PRKD2: variants seen among roughly 807,000 people sequenced by gnomAD.
PRKD2 encodes protein kinase D2, also known as serine/threonine-protein kinase D2.
PRKD2 carries 22 observed loss-of-function variants against 86.0 expected under a neutral mutation model. The ratio of observed to expected loss-of-function variants is 0.26; its 90% CI spans 0.18 to 0.37. The LOEUF (loss-of-function observed/expected upper bound fraction) is 0.37, where lower values mean the gene tolerates loss of function less well. Ranked by LOEUF, PRKD2 falls within the 10% of genes least tolerant of loss-of-function variation. PRKD2 has a pLI of 1.00. For missense variants in PRKD2, 818 were observed against 1,199.2 expected (o/e 0.68, Z 4.70); for synonymous variants, 509 against 510.9 (o/e 1.00, Z 0.05).
rs1441369710 is a variant in PRKD2, at chr19:46,690,642, G to A, written c.1767C>T (p.Thr589=). Reference sequence around the variant, plus strand: ...CATTCCGGAGCTGGCTCTCCTGCTTGGTAGGGAAGCGCAGTTTGTCAATGA... The same window carrying A: ...CATTCCGGAGCTGGCTCTCCTGCTTAGTAGGGAAGCGCAGTTTGTCAATGA... The part of the protein sequence containing the change: ...VKVIDKLRFP[T]KQESQLRNEV... The change falls in exon 13 of 18, where the codon ACC becomes ACT. Residue 589 remains threonine, a synonymous_variant. Transcript: ENST00000291281. The A allele has an allele frequency of 3.1e-6, 5 of 1,614,062 alleles. No homozygotes were observed. The African/African-American group carries it at 6.7e-5, about 22-fold the overall frequency.
chr19:46,713,761 A>C, intron 2 of PRKD2, 102 bp downstream of exon 2: 1 of 1,134,756 alleles, frequency 8.8e-7, no homozygotes, highest in Non-Finnish European at 1.2e-6. Flanking sequence ...GTGAGCCACT[A>C]CACCCGGCCT....
chr19:46,678,583 G>A lies in PRKD2; in HGVS notation c.2151C>T (p.Tyr717=). The change falls in exon 16 of 18, where the codon TAC becomes TAT. Residue 717 remains tyrosine (Y), a synonymous_variant. Coordinates refer to ENST00000291281, the MANE Select transcript of PRKD2 (RefSeq NM_016457.5). The surrounding 1 kb of genome is among the most constrained non-coding windows in gnomAD (Gnocchi z 5.7). ...FRRSVVGTPA[Y]LAPEVLLNQG... is the part of the protein sequence containing the mutation. ...GGTTGAGCAGCACCTCGGGTGCCAG[G>A]TAGGCCGGCGTGCCCACCACTGAGC... 1 of 1,613,846 alleles carries A rather than the reference G, an allele frequency of 6.2e-7. No individual in the cohort carries two copies. The highest frequency in any genetic ancestry group is 1.1e-5 in the South Asian group (1 of 91,084).
intron 14 of PRKD2, among the ~76,000 whole-genome samples, chr19:46,688,479 C>T (rs2053434100): frequency 6.6e-6 from 1 of 150,610 alleles, no homozygotes; most frequent in Non-Finnish European, 1.5e-5. Context: ...TCTTGTCCCC[C>T]AGGCTGGAGT....
At chr19:46,710,679 C>T (rs1002662495) in intron 3 of PRKD2, 4 of 535,966 alleles carry the variant, frequency 7.5e-6, no homozygotes, top group East Asian at 2.9e-5. Flanking sequence ...CTCCCAGCTC[C>T]ACCTCCTAGG....
intron 3 of PRKD2, among the ~76,000 whole-genome samples, chr19:46,708,618 TA>T (rs974464409): frequency 9.2e-5 from 14 of 152,046 alleles, no homozygotes; most frequent in African/African-American, 3.1e-4. Context: ...GCCTTCCTTA[TA>T]AAGGGAAGAG....
chr19:46,710,277 C>T lies in PRKD2; in HGVS notation c.511+630G>A, dbSNP rs553398015. The T allele has an allele frequency of 2.2e-4, 33 of 152,754 alleles. 1 individual carries two copies. The South Asian group carries it at 5.1e-3, about 24-fold the overall frequency. 9.5% of individuals were successfully genotyped at this position (152,754 alleles called of 1,614,324 possible). A position where few individuals can be genotyped will look rare whatever the true frequency, so the allele number is the denominator to read the frequency against. ...GTGCAATCAGGGCTCACTACAGTGT[C>T]GAGCTCCCAGGCTCAAGTGATCCTC... On this transcript the variant is annotated intron_variant, in intron 3 of 17. Coordinates refer to ENST00000291281, the MANE Select transcript of PRKD2 (RefSeq NM_016457.5).
rs1452817692 is a variant in PRKD2 at position 46,674,578 on chromosome 19, C to A, written c.2582G>T (p.Cys861Phe). 1.9e-6 allele frequency: 3 copies of A among 1,611,660 alleles called. No homozygotes were observed. Among genetic ancestry groups the A allele is most frequent in the African/African-American group, 1.3e-5 (1 of 74,890 alleles). Residue 861 changes from cysteine to phenylalanine, a missense_variant, in exon 18 of 18, where the codon TGT (cysteine) becomes TTT (phenylalanine). Cys to Phe is a radical substitution (Grantham distance 205). This residue lies in a region of PRKD2 where 132 missense variants were observed against 146.2 expected (regional missense o/e 0.90). Coordinates refer to ENST00000291281, the MANE Select transcript of PRKD2 (RefSeq NM_016457.5). ...LPTDRDLGGACPPQDHDMQGL... is the reference protein window; with the variant it reads ...LPTDRDLGGAFPPQDHDMQGL... Reference sequence around the variant, plus strand: ...CTGCATGTCGTGGTCCTGTGGTGGACAGGCCCCACCGAGATCCCTGTCCGT... The same window carrying A: ...CTGCATGTCGTGGTCCTGTGGTGGAAAGGCCCCACCGAGATCCCTGTCCGT...
At chr19:46,701,336 G>A (rs1421898676) in intron 5 of PRKD2, among the ~76,000 whole-genome samples, 1 of 151,702 alleles carries the variant, frequency 6.6e-6, no homozygotes, top group East Asian at 2.0e-4. Flanking sequence ...AAATCCCGAC[G>A]ACTGCTGGGT....
chr19:46,675,763 A>C (rs1204407333), intron 16 of PRKD2, among the ~76,000 whole-genome samples: 1 of 148,934 alleles, frequency 6.7e-6, no homozygotes, highest in Non-Finnish European at 1.5e-5. Context: ...TTTTCAACCT[A>C]CAATACTTCC....
In PRKD2 at chr19:46,684,793, T is replaced by A. The variant is rs1275346972; in HGVS notation, c.1972-3045A>T. Among the ~76,000 whole-genome samples, 5 of 151,062 alleles carry A rather than the reference T, an allele frequency of 3.3e-5. No homozygotes were observed. The East Asian group carries it at 5.9e-4, about 18-fold the overall frequency. On this transcript the variant is annotated intron_variant, in intron 14 of 17. Coordinates refer to ENST00000291281, the MANE Select transcript of PRKD2 (RefSeq NM_016457.5). ...GCCTGATCGACATGGTGAAACCCCA[T>A]CTCTACTAAAAATACAAAAATCAGC...
At position 46,716,385 on chromosome 19, in the gene PRKD2, GA is replaced by G; in HGVS notation, c.-16del. On this transcript the variant is annotated 5_prime_UTR_variant, in exon 1 of 18. Coordinates refer to ENST00000291281, the MANE Select transcript of PRKD2 (RefSeq NM_016457.5). This position sits in a 1 kb window ranked among gnomAD's most constrained non-coding sequence, Gnocchi z 7.9. ...GCGGTGGCCATGGGGGGAGGCCGGG[GA>G]CCGGCCGCCTGGAGCCCACCCGGGA... 9 of 1,354,086 alleles carry G rather than the reference GA, an allele frequency of 6.6e-6. No individual in the cohort carries two copies. Among genetic ancestry groups the G allele is most frequent in the Non-Finnish European group, 8.6e-6 (9 of 1,049,534 alleles). 83.9% of individuals were successfully genotyped at this position (1,354,086 alleles called of 1,614,324 possible).
chr19:46,697,598 C>T (rs2053579291), intron 8 of PRKD2, 135 bp downstream of exon 8: 4 of 759,132 alleles, frequency 5.3e-6, no homozygotes, highest in Admixed American at 5.0e-5. Flanking sequence ...GCCCCGCCTC[C>T]AGCACGGCCC....
intron 3 of PRKD2, among the ~76,000 whole-genome samples, chr19:46,707,108 G>A (rs2053724517): frequency 6.6e-6 from 1 of 152,030 alleles, no homozygotes; most frequent in Non-Finnish European, 1.5e-5. Context: ...TGGCCAGGCT[G>A]GTCTCTAACT....
Position 46,686,853 on chromosome 19 carries a change from A to T in PRKD2, c.1971+2684T>A, listed in dbSNP as rs368773586. 3.9e-5 allele frequency among the ~76,000 whole-genome samples: 6 copies of T among 151,944 alleles called. No individual in the cohort carries two copies. The East Asian group carries it at 7.7e-4, about 20-fold the overall frequency. ...GTAGTCCCAGCTACTTGGGAGGCTG[A>T]GGTAGGAGAATGGTGTGAACCTGGG... On this transcript the variant is annotated intron_variant, in intron 14 of 17. Transcript: ENST00000291281.
At chr19:46,683,065 A>G (rs2053334270) in intron 14 of PRKD2, among the ~76,000 whole-genome samples, 1 of 151,152 alleles carries the variant, frequency 6.6e-6, no homozygotes, top group African/African-American at 2.4e-5. Context: ...GTATCATTCT[A>G]CAGCCTCAAA....
intron 1 of PRKD2, among the ~76,000 whole-genome samples, chr19:46,715,286 A>G (rs1204719860): frequency 1.3e-5 from 2 of 151,990 alleles, no homozygotes; most frequent in East Asian, 3.8e-4. Context: ...GGATTCAACA[A>G]TCTAGGAATC....
chr19:46,707,421 G>A (rs926252615), intron 3 of PRKD2, among the ~76,000 whole-genome samples: 1 of 151,636 alleles, frequency 6.6e-6, no homozygotes, highest in Non-Finnish European at 1.5e-5. Flanking sequence ...GTGAAACCCC[G>A]TCTACTAAAA....
intron 12 of PRKD2, among the ~76,000 whole-genome samples, chr19:46,691,011 G>A (rs2053476010): frequency 6.6e-6 from 1 of 152,168 alleles, no homozygotes; most frequent in Non-Finnish European, 1.5e-5. Context: ...GAGTCCTGGG[G>A]ACAGGGGAGA....
intron 16 of PRKD2, among the ~76,000 whole-genome samples, chr19:46,676,370 A>G (rs1295271318): frequency 6.6e-6 from 1 of 152,192 alleles, no homozygotes; most frequent in Non-Finnish European, 1.5e-5. Flanking sequence ...GGTTGCAGTG[A>G]GCCAAGATCG....
Sources: allele counts gnomAD v4.1 joint callset (sites outside exome capture counted in the v4.1 genomes callset), GRCh38; gene constraint gnomAD v4.1.1; regional missense constraint gnomAD v4.1.1; non-coding constraint Gnocchi (gnomAD v3.1); transcripts MANE v1.5; gene names NCBI Gene and HGNC (gene_info 2026-07-23, HGNC 2026-07-21).